ZFPM2: variants seen among roughly 807,000 people sequenced by gnomAD.
ZFPM2 encodes the protein zinc finger protein, FOG family member 2.
Under a neutral mutation model 98.6 loss-of-function variants are expected in ZFPM2, and 20 were observed. The observed-to-expected ratio is 0.20, with a 90% CI of 0.14 to 0.29. The LOEUF (loss-of-function observed/expected upper bound fraction) is 0.29. ZFPM2 is among the 10% of genes least tolerant of loss of function. ZFPM2 has a pLI of 1.00. For missense variants in ZFPM2, 1,310 were observed against 1,388.6 expected (o/e 0.94, Z 0.90); for synonymous variants, 518 against 502.7 (o/e 1.03, Z -0.41).
At chr8:105,740,852 AAGAC>A (rs1380643466) in intron 5 of ZFPM2, among the ~76,000 whole-genome samples, 1 of 152,092 alleles carries the variant, frequency 6.6e-6, no homozygotes, top group African/African-American at 2.4e-5. Context: ...TGTGGACAAA[AAGAC>A]AGAAAACTAA....
chr8:105,537,093 G>C (rs957357419), intron 3 of ZFPM2, among the ~76,000 whole-genome samples: 5 of 152,080 alleles, frequency 3.3e-5, no homozygotes, highest in African/African-American at 1.2e-4. Flanking sequence ...CATTCATAAA[G>C]TTTTAAAGAT....
chr8:105,563,210 C>A (rs1815175912), intron 4 of ZFPM2, among the ~76,000 whole-genome samples: 1 of 152,140 alleles, frequency 6.6e-6, no homozygotes, highest in Non-Finnish European at 1.5e-5. Context: ...AAGGAAATCC[C>A]TTCTTCAAGT....
At chr8:105,714,920 AT>A (rs1811482889) in intron 5 of ZFPM2, among the ~76,000 whole-genome samples, 1 of 152,288 alleles carries the variant, frequency 6.6e-6, no homozygotes, top group South Asian at 2.1e-4. Context: ...ATATTCCGAT[AT>A]CTGAAATTAT....
intron 3 of ZFPM2, among the ~76,000 whole-genome samples, chr8:105,523,375 C>T (rs1008763823): frequency 4.6e-5 from 7 of 152,156 alleles, no homozygotes; most frequent in South Asian, 2.1e-4. Context: ...TACAAAATGA[C>T]GAGCGATTTC....
chr8:105,724,499 A>G (rs1176214156), intron 5 of ZFPM2, among the ~76,000 whole-genome samples: 2 of 151,874 alleles, frequency 1.3e-5, no homozygotes, highest in African/African-American at 2.4e-5. Context: ...AAGAACCACC[A>G]TCACTTTTTA....
chr8:105,332,240 C>T (rs973557398), intron 1 of ZFPM2, among the ~76,000 whole-genome samples: 9 of 151,646 alleles, frequency 5.9e-5, no homozygotes, highest in African/African-American at 1.9e-4. Context: ...GTTTGCTCTC[C>T]AGCCCATAAC....
At chr8:105,734,510 G>A (rs905126476) in intron 5 of ZFPM2, among the ~76,000 whole-genome samples, 6 of 151,908 alleles carry the variant, frequency 3.9e-5, no homozygotes, top group African/African-American at 1.2e-4. Context: ...AAGTATCCAC[G>A]AGATGGTTAA....
chr8:105,474,978 T>A (rs1362004818), intron 3 of ZFPM2, among the ~76,000 whole-genome samples: 1 of 152,184 alleles, frequency 6.6e-6, no homozygotes, highest in African/African-American at 2.4e-5. Flanking sequence ...TCTGTATCAG[T>A]TCAGTCAAAA....
chr8:105,569,472 T>C (rs1477326149), intron 4 of ZFPM2, among the ~76,000 whole-genome samples: 3 of 152,180 alleles, frequency 2.0e-5, no homozygotes, highest in Non-Finnish European at 4.4e-5. Context: ...TGTACCTGTT[T>C]TATTTGTTTA....
chr8:105,426,202 A>T (rs1304037604), intron 2 of ZFPM2, among the ~76,000 whole-genome samples: 1 of 152,206 alleles, frequency 6.6e-6, no homozygotes, highest in Non-Finnish European at 1.5e-5. Flanking sequence ...TAAGAAGCTC[A>T]GCTCTTTAAA....
intron 1 of ZFPM2, among the ~76,000 whole-genome samples, chr8:105,416,933 G>A (rs925206040): frequency 7.9e-5 from 12 of 151,246 alleles, no homozygotes; most frequent in Non-Finnish European, 1.6e-4. Flanking sequence ...TTATAGTTTT[G>A]TTTCTGAAGC....
At chr8:105,368,271 C>T (rs1237105523) in intron 1 of ZFPM2, among the ~76,000 whole-genome samples, 1 of 151,616 alleles carries the variant, frequency 6.6e-6, no homozygotes, top group Non-Finnish European at 1.5e-5. Context: ...CCCTCTTTTT[C>T]TATTGATTGG....
chr8:105,399,546 A>G (rs541333112), intron 1 of ZFPM2, among the ~76,000 whole-genome samples: 1 of 152,302 alleles, frequency 6.6e-6, no homozygotes, highest in South Asian at 2.1e-4. Context: ...TACAACTTCC[A>G]TGAGGACAGG....
chr8:105,615,071 A>G (rs1285929910), intron 4 of ZFPM2, among the ~76,000 whole-genome samples: 2 of 152,094 alleles, frequency 1.3e-5, no homozygotes, highest in East Asian at 3.9e-4. Flanking sequence ...CTTGTATGGT[A>G]TGCCCTTATC....
At chr8:105,334,561 A>C (rs931316241) in intron 1 of ZFPM2, among the ~76,000 whole-genome samples, 5 of 151,656 alleles carry the variant, frequency 3.3e-5, no homozygotes, top group African/African-American at 9.7e-5. Flanking sequence ...TTAACCTCAG[A>C]TTAATAGTGT....
At chr8:105,562,394 T>A (rs1815159030) in intron 4 of ZFPM2, among the ~76,000 whole-genome samples, 1 of 152,120 alleles carries the variant, frequency 6.6e-6, no homozygotes, top group African/African-American at 2.4e-5. Flanking sequence ...TAAACTTTAT[T>A]TCTTAATTGG....
intron 3 of ZFPM2, among the ~76,000 whole-genome samples, chr8:105,482,900 T>C (rs576105726): frequency 2.1e-5 from 2 of 94,198 alleles, no homozygotes; most frequent in East Asian, 5.8e-4. Flanking sequence ...CTTCCTTCCT[T>C]CTTTCCTTCC....
At chr8:105,781,182 AG>A (rs2131112136) in intron 5 of ZFPM2, among the ~76,000 whole-genome samples, 1 of 152,284 alleles carries the variant, frequency 6.6e-6, no homozygotes, top group Admixed American at 6.5e-5. Context: ...GTGGGTTCCA[AG>A]TTCCCCTCCT....
chr8:105,422,027 A>C (rs978393711), intron 2 of ZFPM2, among the ~76,000 whole-genome samples: 1 of 139,046 alleles, frequency 7.2e-6, no homozygotes, highest in Non-Finnish European at 1.5e-5. Context: ...AGCCTGTGCG[A>C]CGGGAGCGAG....
Sources: gnomAD v4.1 joint callset for allele counts (sites outside exome capture counted in the v4.1 genomes callset) on GRCh38, gnomAD v4.1.1 for gene constraint, MANE v1.5 for transcripts, NCBI Gene and HGNC (gene_info 2026-07-23, HGNC 2026-07-21) for gene names.